The following ZBTB8OS variants were observed in gnomAD, a reference collection of about 807,000 sequenced individuals.
ZBTB8OS encodes tRNA-splicing ligase-activating factor archease.
In ZBTB8OS, 16 loss-of-function variants were observed where a neutral mutation model predicts 29.3. That is an observed-to-expected ratio of 0.55 (90% CI 0.37 to 0.83). The LOEUF is 0.83. Among genes scored for constraint, ZBTB8OS ranks in the 40% least tolerant of loss-of-function variants. The pLI is 0.00. For synonymous variants in ZBTB8OS, 70 were observed against 64.6 expected (o/e 1.08, Z -0.40); for missense variants, 160 against 196.9 (o/e 0.81, Z 1.12).
chr1:32,627,538 T>C lies in ZBTB8OS; in HGVS notation c.387A>G (p.Gly129=). The C allele has an allele frequency of 6.2e-7, 1 of 1,613,564 alleles. No homozygotes were observed. Among genetic ancestry groups the C allele is most frequent in the South Asian group, 1.1e-5 (1 of 91,002 alleles). ...GGTGCTTGGACAATGAAAATTCTTC[T>C]CCCCACCTTGAGAATACAAATTAAA... ...RNFKLRSIGW[G]EEFSLSKHPQ... The change falls in exon 6 of 7, where the codon GGA becomes GGG. Residue 129 remains glycine, a synonymous_variant. Transcript: ENST00000468695.
chr1:32,627,940 G>A (rs1360070591), intron 5 of ZBTB8OS: 1 of 172,924 alleles, frequency 5.8e-6, no homozygotes, highest in Non-Finnish European at 1.2e-5. Context: ...AGCCACTCAC[G>A]AGGAGGAGGC....
intron 1 of ZBTB8OS, among the ~76,000 whole-genome samples, chr1:32,644,704 CTTTTTTTTTTTT>C (rs1190646557): frequency 9.5e-6 from 1 of 105,598 alleles, no homozygotes; most frequent in Non-Finnish European, 1.8e-5. Context: ...CCACACCCAG[CTTTTTTTTTTTT>C]TTTTTTTTTT....
chr1:32,628,127 C>T (rs116713012), intron 5 of ZBTB8OS, among the ~76,000 whole-genome samples: 2,846 of 151,346 alleles, frequency 0.019, 97 homozygotes, highest in African/African-American at 0.065. Context: ...GGTGGATCAT[C>T]TGAGGTCGGC....
chr1:32,650,891 T>G (rs917168562), upstream of ZBTB8OS: 1 of 474,464 alleles, frequency 2.1e-6, no homozygotes, highest in African/African-American at 2.0e-5. Flanking sequence ...ATCTCAGTAC[T>G]CTGAAAGGGT....
At chr1:32,643,974 G>A (rs1052310700) in intron 1 of ZBTB8OS, among the ~76,000 whole-genome samples, 3 of 151,862 alleles carry the variant, frequency 2.0e-5, no homozygotes, top group South Asian at 2.1e-4. Flanking sequence ...TTTATTAGCC[G>A]GCGACCTAGA....
chr1:32,628,810 C>A (rs1645319566), intron 5 of ZBTB8OS, among the ~76,000 whole-genome samples: 1 of 151,754 alleles, frequency 6.6e-6, no homozygotes, highest in Non-Finnish European at 1.5e-5. Flanking sequence ...GTTCCATGCG[C>A]CCGTGGTCCC....
chr1:32,628,675 T>A (rs910811150), intron 5 of ZBTB8OS, among the ~76,000 whole-genome samples: 1 of 147,946 alleles, frequency 6.8e-6, no homozygotes, highest in African/African-American at 2.5e-5. Flanking sequence ...CCAGGCACAG[T>A]GGCTCCCACC....
chr1:32,650,729 G>A (rs1452040606), upstream of ZBTB8OS: 7 of 864,234 alleles, frequency 8.1e-6, no homozygotes, highest in Middle Eastern at 2.3e-4. Flanking sequence ...CCCATCTTCT[G>A]CGATTCCTTC....
At position 32,633,661 on chromosome 1, in the gene ZBTB8OS, T is replaced by G; in HGVS notation, c.311A>C (p.Glu104Ala). The change falls in exon 4 of 7, where the codon GAA becomes GCA. Residue 104 changes from glutamate (E) to alanine (A), a missense_variant. Coordinates refer to ENST00000468695, the MANE Select transcript of ZBTB8OS (RefSeq NM_178547.5). ...TTTGCTTACCCGGGGTATGAAGAAT[T>G]CATCAGCACTGAACTTATAAAGCCA... ...DEWLYKFSAD[E>A]FFIPREVKVL... is the part of the protein sequence containing the mutation. The G allele has an allele frequency of 1.2e-6, 2 of 1,604,798 alleles. No individual in the cohort carries two copies. The highest frequency in any genetic ancestry group is 1.7e-6 in the Non-Finnish European group (2 of 1,177,770).
chr1:32,631,164 T>G (rs1246187115), intron 5 of ZBTB8OS, among the ~76,000 whole-genome samples: 1 of 151,928 alleles, frequency 6.6e-6, no homozygotes, highest in Non-Finnish European at 1.5e-5. Context: ...GAGACCAGCC[T>G]GGGCAACATG....
At chr1:32,625,614 G>T (rs900060785) in intron 6 of ZBTB8OS, among the ~76,000 whole-genome samples, 1 of 152,176 alleles carries the variant, frequency 6.6e-6, no homozygotes, top group African/African-American at 2.4e-5. Flanking sequence ...GTGTGCACCT[G>T]TAAGCTCAGC....
intron 1 of ZBTB8OS, among the ~76,000 whole-genome samples, chr1:32,646,874 T>TAA (rs1214041407): frequency 1.5e-5 from 2 of 133,836 alleles, no homozygotes; most frequent in Non-Finnish European, 3.2e-5. Flanking sequence ...CTGTCTCTAC[T>TAA]AAAAAAAAAA....
At chr1:32,622,761 TAA>T (rs57310270) in intron 6 of ZBTB8OS, among the ~76,000 whole-genome samples, 14 of 142,970 alleles carry the variant, frequency 9.8e-5, no homozygotes, top group African/African-American at 3.0e-4. Flanking sequence ...TGAGGATGAT[TAA>T]AAAAAAAAAA....
intron 6 of ZBTB8OS, among the ~76,000 whole-genome samples, chr1:32,626,361 C>T (rs1737742): frequency 0.17 from 25,412 of 151,950 alleles, 4,461 homozygotes; most frequent in African/African-American, 0.44. Flanking sequence ...AAGTACACTC[C>T]ATGATGTTTG....
intron 4 of ZBTB8OS, among the ~76,000 whole-genome samples, chr1:32,632,954 A>C (rs1202176706): frequency 6.6e-6 from 1 of 152,196 alleles, no homozygotes; most frequent in Non-Finnish European, 1.5e-5. Context: ...TGATAGAATG[A>C]GTATAAGTAG....
chr1:32,625,709 TAAAC>T (rs1459538312), intron 6 of ZBTB8OS, among the ~76,000 whole-genome samples: 1 of 152,178 alleles, frequency 6.6e-6, no homozygotes, highest in Non-Finnish European at 1.5e-5. Context: ...CTGTCTCACA[TAAAC>T]AAAAACTCTT....
chr1:32,630,993 C>A (rs1249265246), intron 5 of ZBTB8OS, among the ~76,000 whole-genome samples: 2 of 151,116 alleles, frequency 1.3e-5, no homozygotes, highest in East Asian at 2.0e-4. Context: ...AGCAACAGAG[C>A]GAGACTCTGT....
chr1:32,629,660 G>A (rs1314378480), intron 5 of ZBTB8OS, among the ~76,000 whole-genome samples: 1 of 151,718 alleles, frequency 6.6e-6, no homozygotes, highest in Non-Finnish European at 1.5e-5. Context: ...TAATGTGAGT[G>A]AAGATCACAA....
chr1:32,631,294 G>A (rs1016232424), intron 5 of ZBTB8OS, among the ~76,000 whole-genome samples: 3 of 150,246 alleles, frequency 2.0e-5, no homozygotes, highest in African/African-American at 7.3e-5. Context: ...GGCTGAAGCT[G>A]CAGTGAGCCA....
Sources: gnomAD v4.1 joint callset for allele counts (sites outside exome capture counted in the v4.1 genomes callset) on GRCh38, gnomAD v4.1.1 for gene constraint, MANE v1.5 for transcripts, NCBI Gene and HGNC (gene_info 2026-07-23, HGNC 2026-07-21) for gene names.